The following GULP1 variants were observed in gnomAD, a reference collection of about 807,000 sequenced individuals.
The protein encoded by GULP1 is PTB domain-containing engulfment adapter protein 1.
In GULP1, 19 loss-of-function variants were observed where a neutral mutation model predicts 40.9. The observed-to-expected ratio is 0.46, with a 90% CI of 0.32 to 0.68. The LOEUF (loss-of-function observed/expected upper bound fraction) is 0.68, where lower values mean the gene tolerates loss of function less well. Among genes scored for constraint, GULP1 ranks in the 30% least tolerant of loss-of-function variants. The pLI, the probability that GULP1 is intolerant of heterozygous loss-of-function variation, is 0.03. For missense variants in GULP1, 312 were observed against 362.2 expected (o/e 0.86, Z 1.12); for synonymous variants, 119 against 117.6 (o/e 1.01, Z -0.08).
intron 2 of GULP1, among the ~76,000 whole-genome samples, chr2:188,416,165 C>A (rs1306792047): frequency 6.6e-6 from 1 of 151,742 alleles, no homozygotes; most frequent in Admixed American, 6.6e-5. Flanking sequence ...TCTTTCTTCC[C>A]CTCTCTCTTT....
At chr2:188,464,198 T>C (rs72911482) in intron 2 of GULP1, among the ~76,000 whole-genome samples, 2,028 of 152,310 alleles carry the variant, frequency 0.013, 19 homozygotes, top group Non-Finnish European at 0.02. Flanking sequence ...GTTGTTGTGA[T>C]TTAAGCTGTA....
intron 2 of GULP1, among the ~76,000 whole-genome samples, chr2:188,437,183 G>C (rs186978378): frequency 7.2e-5 from 11 of 152,190 alleles, no homozygotes; most frequent in African/African-American, 2.2e-4. Flanking sequence ...TCATAGAAAT[G>C]TTAACACTTA....
intron 2 of GULP1, among the ~76,000 whole-genome samples, chr2:188,432,217 T>C (rs1045695863): frequency 1.3e-5 from 2 of 151,662 alleles, no homozygotes; most frequent in Admixed American, 1.3e-4. Flanking sequence ...ATTTAATGAG[T>C]ATATATCATT....
intron 1 of GULP1, among the ~76,000 whole-genome samples, chr2:188,339,503 C>G (rs1315190788): frequency 2.0e-5 from 3 of 152,146 alleles, no homozygotes; most frequent in Non-Finnish European, 4.4e-5. Context: ...ACATGGTATA[C>G]ATTTTTAATT....
rs1320922548 is a variant in GULP1 at position 188,342,596 on chromosome 2, AT to A, written c.-171-41164del. Among the ~76,000 whole-genome samples the A allele has an allele frequency of 2.6e-5, 4 of 152,156 alleles. No homozygotes were observed. In the East Asian group the frequency reaches 7.7e-4, roughly 29 times the overall value. ...ATTTTTAAACCATACTATTTTGAGC[AT>A]TTGTATTAAAGAAACAGATGAGAGA... On this transcript the variant is annotated intron_variant, in intron 1 of 11. Coordinates refer to ENST00000409830, the MANE Select transcript of GULP1 (RefSeq NM_016315.4).
rs999754978 is a variant in GULP1 at position 188,429,795 on chromosome 2, G to A, written c.-45+45906G>A. On this transcript the variant is annotated intron_variant, in intron 2 of 11. Transcript: ENST00000409830. Reference sequence around the variant, plus strand: ...GCGATCTCTGCTCATTGCAAGCTCCGCCTCCTGGGTTCACCCGCCGTTCTC... The same window carrying A: ...GCGATCTCTGCTCATTGCAAGCTCCACCTCCTGGGTTCACCCGCCGTTCTC... Among the ~76,000 whole-genome samples the A allele has an allele frequency of 6.6e-5, 10 of 151,550 alleles. No individual in the cohort carries two copies. The East Asian group carries it at 1.4e-3, about 21-fold the overall frequency.
At position 188,477,689 on chromosome 2, in the gene GULP1, G is replaced by A; in HGVS notation, c.-14G>A. 1 of 1,591,896 alleles carries A rather than the reference G, an allele frequency of 6.3e-7. No homozygotes were observed. The highest frequency in any genetic ancestry group is 8.6e-7 in the Non-Finnish European group (1 of 1,169,434). On this transcript the variant is annotated 5_prime_UTR_variant, in exon 3 of 12. Coordinates refer to ENST00000409830, the MANE Select transcript of GULP1 (RefSeq NM_016315.4). ...AAGTCGTGGAACTGAACATTTATTT[G>A]GCTGATCCTCATCATGAACCGTGCT... is the stretch of plus-strand genomic sequence containing the variant.
Position 188,595,577 on chromosome 2 carries a change from T to A in GULP1, c.*1566T>A, listed in dbSNP as rs1057416373. 1.3e-5 allele frequency: 2 copies of A among 152,180 alleles called. No homozygotes were observed. The highest frequency in any genetic ancestry group is 4.8e-5 in the African/African-American group (2 of 41,418). The allele number at this position is 152,180 out of a possible 1,614,324, so 9.4% of individuals were successfully genotyped here. On this transcript the variant is annotated 3_prime_UTR_variant, in exon 12 of 12. Transcript: ENST00000409830. ...AGATAGTATTTTGGAATTTGTATAA[T>A]AAGGATGTTTAGAAGCCATATAAGT... is the stretch of plus-strand genomic sequence containing the variant.
chr2:188,396,973 G>C (rs148013241), intron 2 of GULP1, among the ~76,000 whole-genome samples: 3 of 152,176 alleles, frequency 2.0e-5, no homozygotes, highest in Non-Finnish European at 4.4e-5. Flanking sequence ...CTGTAGCCTG[G>C]ATTGCCAGGT....
intron 2 of GULP1, among the ~76,000 whole-genome samples, chr2:188,441,459 A>G (rs2057926918): frequency 6.6e-6 from 1 of 152,172 alleles, no homozygotes; most frequent in Non-Finnish European, 1.5e-5. Flanking sequence ...CTCTAAATCC[A>G]GCAGTGTTCC....
intron 1 of GULP1, among the ~76,000 whole-genome samples, chr2:188,351,884 C>T (rs2044498411): frequency 1.3e-5 from 2 of 152,174 alleles, no homozygotes; most frequent in African/African-American, 4.8e-5. Flanking sequence ...CCATTCCAAG[C>T]CCCACGAGAA....
chr2:188,440,776 TA>T, intron 2 of GULP1, among the ~76,000 whole-genome samples: 1 of 152,174 alleles, frequency 6.6e-6, no homozygotes, highest in East Asian at 1.9e-4. Context: ...AGTGGAACCA[TA>T]ATATACTTAA....
chr2:188,561,164 C>A (rs1470695332), intron 7 of GULP1, among the ~76,000 whole-genome samples: 3 of 152,154 alleles, frequency 2.0e-5, no homozygotes, highest in Non-Finnish European at 4.4e-5. Context: ...CCAGTCGTGG[C>A]AACAGTGGGC....
At chr2:188,424,086 A>G (rs542854758) in intron 2 of GULP1, among the ~76,000 whole-genome samples, 11 of 152,016 alleles carry the variant, frequency 7.2e-5, no homozygotes, top group Middle Eastern at 6.8e-3. Flanking sequence ...GGCTTGTGGT[A>G]TAAGTCATTC....
intron 2 of GULP1, among the ~76,000 whole-genome samples, chr2:188,443,215 A>G (rs1015605899): frequency 2.0e-5 from 3 of 152,038 alleles, no homozygotes; most frequent in African/African-American, 7.2e-5. Flanking sequence ...CGGGGGGTTC[A>G]CCCTTTCCTG....
chr2:188,313,496 A>G (rs896698486), intron 1 of GULP1, among the ~76,000 whole-genome samples: 3 of 152,174 alleles, frequency 2.0e-5, no homozygotes, highest in African/African-American at 7.2e-5. Flanking sequence ...TACTAGTACC[A>G]TGCTGTTTTG....
intron 1 of GULP1, among the ~76,000 whole-genome samples, chr2:188,366,513 CA>C (rs1559155936): frequency 6.6e-6 from 1 of 151,158 alleles, no homozygotes; most frequent in Non-Finnish European, 1.5e-5. Context: ...CCTTTTGATT[CA>C]TTTGCATGTC....
At chr2:188,502,410 T>C (rs923284810) in intron 4 of GULP1, among the ~76,000 whole-genome samples, 2 of 151,932 alleles carry the variant, frequency 1.3e-5, no homozygotes, top group African/African-American at 4.8e-5. Context: ...TTATTAGTGC[T>C]ATAAGAATAT....
At chr2:188,350,080 A>T (rs768026577) in intron 1 of GULP1, among the ~76,000 whole-genome samples, 6 of 152,156 alleles carry the variant, frequency 3.9e-5, no homozygotes, top group Non-Finnish European at 7.4e-5. Context: ...GCCTAGATTT[A>T]TGCCAGGACC....
Sources: allele counts gnomAD v4.1 joint callset (sites outside exome capture counted in the v4.1 genomes callset), GRCh38; gene constraint gnomAD v4.1.1; transcripts MANE v1.5; gene names NCBI Gene and HGNC (gene_info 2026-07-23, HGNC 2026-07-21).